The following TRAPPC9 variants were observed in gnomAD, a reference collection of about 807,000 sequenced individuals.
TRAPPC9 encodes the protein IKK2 binding protein.
Under a neutral mutation model 124.0 loss-of-function variants are expected in TRAPPC9, and 83 were observed. That is an observed-to-expected ratio of 0.67 (90% confidence interval 0.56 to 0.80). The LOEUF (loss-of-function observed/expected upper bound fraction) is 0.80. Ranked by LOEUF, TRAPPC9 falls within the 30% of genes least tolerant of loss-of-function variation. The pLI, the probability that TRAPPC9 is intolerant of heterozygous loss-of-function variation, is 0.00. For missense variants in TRAPPC9, 1,302 were observed against 1,508.3 expected, an observed-to-expected ratio of 0.86 and a Z score of 2.27; for synonymous variants, 638 against 617.5, an observed-to-expected ratio of 1.03 and a Z score of -0.49.
Position 139,731,147 on chromosome 8 carries a change from G to C in TRAPPC9, c.3361C>G (p.His1121Asp). 6.2e-7 allele frequency: 1 copy of C among 1,614,024 alleles called. No homozygotes were observed. The highest frequency in any genetic ancestry group is 8.5e-7 in the Non-Finnish European group (1 of 1,180,008). ...AGCTCCTTGCTGGTGCTGTCCTCGT[G>C]GAACCGGATGTGGAGGAAGAAGTCT... ...TGDFFLHIRF[H>D]EDSTSKELPP... Residue 1121 changes from histidine (H) to aspartate (D), a missense_variant, in exon 23 of 23, where the codon CAC becomes GAC. Physicochemically the swap from His to Asp is moderately conservative, Grantham distance 81. Coordinates refer to ENST00000438773, the MANE Select transcript of TRAPPC9 (RefSeq NM_001160372.4).
intron 9 of TRAPPC9, among the ~76,000 whole-genome samples, chr8:140,357,546 C>G (rs1415146281): frequency 6.6e-6 from 1 of 151,860 alleles, no homozygotes; most frequent in African/African-American, 2.4e-5. Flanking sequence ...CCAGGCACTA[C>G]CTCTTTAGAT....
At chr8:140,171,630 G>C (rs2061964949) in intron 17 of TRAPPC9, among the ~76,000 whole-genome samples, 1 of 152,176 alleles carries the variant, frequency 6.6e-6, no homozygotes, top group South Asian at 2.1e-4. Flanking sequence ...GAGGTCCTCT[G>C]CCATGCAGCT....
intron 18 of TRAPPC9, among the ~76,000 whole-genome samples, chr8:139,993,135 G>A (rs1357745686): frequency 3.9e-4 from 60 of 152,080 alleles, no homozygotes; most frequent in Admixed American, 3.9e-3. Context: ...TTAATGCGTT[G>A]CAAATATCTT....
intron 9 of TRAPPC9, among the ~76,000 whole-genome samples, chr8:140,349,464 G>A (rs535609018): frequency 1.3e-5 from 2 of 150,898 alleles, no homozygotes; most frequent in African/African-American, 2.4e-5. Context: ...ACACAGGGGG[G>A]CCGAAGGGGG....
At chr8:139,963,403 G>A (rs1000098537) in intron 19 of TRAPPC9, among the ~76,000 whole-genome samples, 1 of 152,086 alleles carries the variant, frequency 6.6e-6, no homozygotes, top group African/African-American at 2.4e-5. Context: ...AGGAGTTAAG[G>A]AATTTGCCCA....
intron 21 of TRAPPC9, among the ~76,000 whole-genome samples, chr8:139,777,002 C>T (rs1821438241): frequency 6.6e-6 from 1 of 152,200 alleles, no homozygotes; most frequent in Non-Finnish European, 1.5e-5. Context: ...GCCCCAAACA[C>T]TGAGGTTCCA....
intron 9 of TRAPPC9, among the ~76,000 whole-genome samples, chr8:140,352,107 A>G (rs1273215249): frequency 1.3e-5 from 2 of 152,064 alleles, no homozygotes; most frequent in Non-Finnish European, 2.9e-5. Context: ...AATAATTGAG[A>G]TCATAAAACA....
chr8:140,415,118 G>A (rs908139735), intron 5 of TRAPPC9, among the ~76,000 whole-genome samples: 2 of 152,094 alleles, frequency 1.3e-5, no homozygotes, highest in African/African-American at 2.4e-5. Context: ...GGCGAAAGCA[G>A]GAGGATCTCT....
chr8:140,326,375 C>T (rs2066738325), intron 9 of TRAPPC9, among the ~76,000 whole-genome samples: 1 of 152,128 alleles, frequency 6.6e-6, no homozygotes, highest in Admixed American at 6.5e-5. Flanking sequence ...CAGAGGCAGG[C>T]CACATAGTGC....
chr8:139,743,310 T>C lies in TRAPPC9; in HGVS notation c.3056-11108A>G, dbSNP rs369674778. Among the ~76,000 whole-genome samples the C allele has an allele frequency of 1.4e-4, 21 of 152,320 alleles. No individual in the cohort carries two copies. In the East Asian group the frequency reaches 2.9e-3, roughly 21 times the overall value. ...CGCCTCCCCGACCTGGCCCCACAAC[T>C]CTACTCTCCAACCTTTTGCGCTGGC... On this transcript the variant is annotated intron_variant, in intron 21 of 22. Transcript: ENST00000438773.
intron 18 of TRAPPC9, among the ~76,000 whole-genome samples, chr8:140,001,346 AC>A (rs989280192): frequency 8.5e-5 from 13 of 152,152 alleles, no homozygotes; most frequent in African/African-American, 2.9e-4. Flanking sequence ...TATGTAACAA[AC>A]CTGCACATTG....
chr8:140,332,065 A>T (rs2066907281), intron 9 of TRAPPC9, among the ~76,000 whole-genome samples: 1 of 152,218 alleles, frequency 6.6e-6, no homozygotes, highest in African/African-American at 2.4e-5. Context: ...AAGATATGGA[A>T]TCAACCCAAG....
intron 17 of TRAPPC9, chr8:140,098,927 T>A (rs1039200262): frequency 1.3e-5 from 2 of 151,658 alleles, no homozygotes; most frequent in Non-Finnish European, 2.9e-5. Flanking sequence ...CCCAGGTAGG[T>A]CTCAGTGCGC....
rs2067210236 is a variant in TRAPPC9, at chr8:140,342,032, CG to C, written c.1495+18017del. ...GGGGTGGAGGACAGGAAAGAAAGGGCGGATCTGGAAGGCAGGAGGTCCCTCA... is the reference window on the plus strand; with the variant it reads ...GGGGTGGAGGACAGGAAAGAAAGGGCGATCTGGAAGGCAGGAGGTCCCTCA... On this transcript the variant is annotated intron_variant, in intron 9 of 22. Coordinates refer to ENST00000438773, the MANE Select transcript of TRAPPC9 (RefSeq NM_001160372.4). Among the ~76,000 whole-genome samples the C allele has an allele frequency of 5.3e-5, 8 of 152,294 alleles. No homozygotes were observed. In the South Asian group the frequency reaches 1.7e-3, roughly 32 times the overall value.
chr8:140,366,041 C>A (rs1388873608), intron 8 of TRAPPC9, among the ~76,000 whole-genome samples: 1 of 152,178 alleles, frequency 6.6e-6, no homozygotes, highest in Non-Finnish European at 1.5e-5. Context: ...TCTGTTCCTG[C>A]AGTAGTTTGG....
At chr8:139,798,561 G>A (rs1823260320) in intron 21 of TRAPPC9, among the ~76,000 whole-genome samples, 1 of 152,194 alleles carries the variant, frequency 6.6e-6, no homozygotes, top group Non-Finnish European at 1.5e-5. Flanking sequence ...CAGGGGCACT[G>A]GGGAGGTCTG....
At chr8:139,998,346 A>T (rs549381456) in intron 18 of TRAPPC9, among the ~76,000 whole-genome samples, 3 of 152,238 alleles carry the variant, frequency 2.0e-5, no homozygotes, top group Non-Finnish European at 2.9e-5. Flanking sequence ...TAATACAGGG[A>T]AACTTGAACA....
chr8:139,918,645 G>T (rs921609417), intron 19 of TRAPPC9, among the ~76,000 whole-genome samples: 2 of 152,244 alleles, frequency 1.3e-5, no homozygotes, highest in African/African-American at 2.4e-5. Context: ...CCGACATCGG[G>T]AGCTTCTCCC....
intron 14 of TRAPPC9, among the ~76,000 whole-genome samples, chr8:140,277,688 C>T (rs2065168090): frequency 6.6e-6 from 1 of 152,222 alleles, no homozygotes; most frequent in Non-Finnish European, 1.5e-5. Context: ...GAGCTGAGTC[C>T]TGAACAGGCC....
Sources: allele counts gnomAD v4.1 joint callset (sites outside exome capture counted in the v4.1 genomes callset), GRCh38; gene constraint gnomAD v4.1.1; transcripts MANE v1.5; gene names NCBI Gene and HGNC (gene_info 2026-07-23, HGNC 2026-07-21).